CARD9: variants seen among roughly 807,000 people sequenced by gnomAD.
CARD9 encodes the protein caspase recruitment domain-containing protein 9.
CARD9 carries 53 observed loss-of-function variants against 66.0 expected under a neutral mutation model. That is an observed-to-expected ratio of 0.80 (90% CI 0.64 to 1.01). The LOEUF is 1.01. Among genes scored for constraint, CARD9 ranks in the 50% least tolerant of loss-of-function variants. The pLI is 0.00. For missense variants in CARD9, 769 were observed against 743.2 expected (o/e 1.03, Z -0.40); for synonymous variants, 387 against 313.8 (o/e 1.23, Z -2.47).
At chr9:136,371,506 C>A in intron 2 of CARD9, 45 bp from the exon 3 acceptor site, 1 of 1,294,314 alleles carries the variant, frequency 7.7e-7, no homozygotes. Context: ...ACAGGCGAGG[C>A]AGAGGGCTGG....
Position 136,365,231 on chromosome 9 carries a change from T to A in CARD9, c.1358-14A>T. ...CGGCAAGGCAGCCTGGAAAGGAGAG[T>A]CGTGCCTGTGGGACCTGCCCATCTG... On this transcript the variant is annotated splice_polypyrimidine_tract_variant and intron_variant, in intron 10 of 12. Transcript: ENST00000371732. 6.2e-6 allele frequency: 10 copies of A among 1,605,426 alleles called. No homozygotes were observed. The highest frequency in any genetic ancestry group is 8.5e-6 in the Non-Finnish European group (10 of 1,179,524).
intron 1 of CARD9, among the ~76,000 whole-genome samples, chr9:136,373,210 C>T (rs1333880625): frequency 2.0e-5 from 3 of 152,258 alleles, no homozygotes; most frequent in African/African-American, 4.8e-5. Flanking sequence ...CTTCCCGCTG[C>T]ACTTTGTCAC....
At chr9:136,368,084 T>G in intron 7 of CARD9, 1 of 1,310,592 alleles carries the variant, frequency 7.6e-7, no homozygotes. Context: ...GCGTGTGCTA[T>G]GTACCCCCAC....
intron 8 of CARD9, 78 bp downstream of exon 8, chr9:136,367,559 C>G: frequency 6.8e-7 from 1 of 1,475,000 alleles, no homozygotes; most frequent in South Asian, 1.3e-5. Flanking sequence ...TCGGGAAGGC[C>G]GGGGCTGAGG....
intron 7 of CARD9, among the ~76,000 whole-genome samples, chr9:136,369,099 C>T (rs1050307231): frequency 6.6e-6 from 1 of 152,166 alleles, no homozygotes; most frequent in African/African-American, 2.4e-5. Flanking sequence ...GGATTATAGG[C>T]GTGAGCCACC....
At chr9:136,368,940 C>T (rs1229163989) in intron 7 of CARD9, among the ~76,000 whole-genome samples, 4 of 152,208 alleles carry the variant, frequency 2.6e-5, no homozygotes, top group African/African-American at 7.2e-5. Flanking sequence ...CTGCCTCAGC[C>T]TCCTGAGTAG....
At chr9:136,369,351 G>A (rs1055142625) in intron 7 of CARD9, among the ~76,000 whole-genome samples, 5 of 152,208 alleles carry the variant, frequency 3.3e-5, no homozygotes, top group African/African-American at 4.8e-5. Context: ...AGATAGATAG[G>A]TGATAGATGA....
chr9:136,365,037 G>A (rs548560514), intron 11 of CARD9, 104 bp downstream of exon 11: 27 of 1,121,326 alleles, frequency 2.4e-5, no homozygotes, highest in Non-Finnish European at 3.3e-5. Context: ...CTCAGCTGTC[G>A]TCGGGGCCAC....
At position 136,371,106 on chromosome 9, in the gene CARD9, G is replaced by C. The variant is rs1434258703; in HGVS notation, c.362C>G (p.Thr121Ser). 1.9e-6 allele frequency: 3 copies of C among 1,612,660 alleles called. No individual in the cohort carries two copies. Among genetic ancestry groups the C allele is most frequent in the Non-Finnish European group, 2.5e-6 (3 of 1,179,936 alleles). Residue 121 changes from threonine (T) to serine (S), a missense_variant, in exon 4 of 13, where the codon ACT becomes AGT. Physicochemically the swap from Thr to Ser is moderately conservative, Grantham distance 58 (BLOSUM62 1). Coordinates refer to ENST00000371732, the MANE Select transcript of CARD9 (RefSeq NM_052813.5). ...GESGLTQLLM[T>S]EVMKLQKKVQ... ...CTTCTTCTGCAGCTTCATGACCTCA[G>C]TCATCAGCAGCTGAGTCAGGCCTGA...
intron 7 of CARD9, among the ~76,000 whole-genome samples, 173 bp downstream of exon 7, chr9:136,369,577 G>A (rs1024956159): frequency 5.3e-5 from 8 of 152,242 alleles, no homozygotes; most frequent in Admixed American, 6.5e-5. Flanking sequence ...GGCTGAGGCC[G>A]GAGGATTGCT....
chr9:136,364,985 A>T, intron 11 of CARD9, 156 bp downstream of exon 11: 1 of 685,948 alleles, frequency 1.5e-6, no homozygotes, highest in Non-Finnish European at 2.4e-6. Flanking sequence ...CAGCCCAGAC[A>T]CCGCACCCCG....
chr9:136,367,829 C>T lies in CARD9; in HGVS notation c.1078-1G>A, dbSNP rs1272762412. 12 of 1,598,398 alleles carry T rather than the reference C, an allele frequency of 7.5e-6. 1 individual carries two copies. The highest frequency in any genetic ancestry group is 2.2e-5 in the South Asian group (2 of 90,816). On this transcript the variant is annotated splice_acceptor_variant, in intron 7 of 12. Transcript: ENST00000371732. LOFTEE classifies it high-confidence loss of function. ...GCAGCTCCTCCCGCGTGGCTATGGC[C>T]TGACGGGACAGCACAAGGCCGACCC...
At chr9:136,373,404 G>T (rs186125099) in intron 1 of CARD9, 128 bp downstream of exon 1, 1 of 689,456 alleles carries the variant, frequency 1.5e-6, no homozygotes, top group Non-Finnish European at 1.8e-6. Flanking sequence ...GGACGGGGCC[G>T]CATGGCGGAG....
At chr9:136,366,485 C>T in intron 10 of CARD9, 1 of 476,500 alleles carries the variant, frequency 2.1e-6, no homozygotes, top group Non-Finnish European at 3.8e-6. Flanking sequence ...GGGGGCTGCC[C>T]AGAGGGGCCC....
intron 1 of CARD9, 31 bp from the exon 2 acceptor site, chr9:136,372,125 T>C (rs777993069): frequency 1.2e-6 from 2 of 1,607,388 alleles, no homozygotes; most frequent in Admixed American, 3.3e-5. Flanking sequence ...CTGAGAGCGA[T>C]GCCGGCTCCT....
At chr9:136,364,814 A>C (rs921586331) in intron 11 of CARD9, 7 of 599,314 alleles carry the variant, frequency 1.2e-5, no homozygotes, top group Non-Finnish European at 2.1e-5. Flanking sequence ...GGTCCGGGCC[A>C]TTGTTTCTAC....
Position 136,364,467 on chromosome 9 carries a change from GGGGCCGCCCGCCTACCTGC to G in CARD9, c.1508_1511+15del. ...CCCCAGCCCGTTTTGGAGAAGCCTG[GGGGCCGCCCGCCTACCTGC>G]GGTAGTTCTCAAAACTCTCTTTGAG... On this transcript the variant is annotated splice_donor_variant and splice_donor_5th_base_variant and coding_sequence_variant and intron_variant, in exon 12 of 13. Coordinates refer to ENST00000371732, the MANE Select transcript of CARD9 (RefSeq NM_052813.5). LOFTEE classifies it high-confidence loss of function. The G allele has an allele frequency of 6.5e-7, 1 of 1,540,492 alleles. No individual in the cohort carries two copies. The highest frequency in any genetic ancestry group is 8.7e-7 in the Non-Finnish European group (1 of 1,146,876).
chr9:136,370,024 C>G, intron 6 of CARD9, 149 bp from the exon 7 acceptor site: 1 of 1,477,754 alleles, frequency 6.8e-7, no homozygotes, highest in Non-Finnish European at 9.0e-7. Flanking sequence ...CCTACCAGCC[C>G]TGCACTTCCA....
intron 9 of CARD9, 83 bp from the exon 10 acceptor site, chr9:136,366,928 C>T: frequency 6.6e-7 from 1 of 1,515,534 alleles, no homozygotes; most frequent in South Asian, 1.1e-5. Context: ...AGCCCTTGGC[C>T]CTCAGCTGGG....
Sources: gnomAD v4.1 joint callset for allele counts (sites outside exome capture counted in the v4.1 genomes callset) on GRCh38, gnomAD v4.1.1 for gene constraint, MANE v1.5 for transcripts, NCBI Gene and HGNC (gene_info 2026-07-23, HGNC 2026-07-21) for gene names.